KLHL1: variants seen among roughly 807,000 people sequenced by gnomAD.
KLHL1 encodes kelch-like protein 1.
In KLHL1, 47 loss-of-function variants were observed where a neutral mutation model predicts 77.7. The ratio of observed to expected loss-of-function variants is 0.60; its 90% CI spans 0.48 to 0.77. KLHL1 has a LOEUF of 0.77. KLHL1 is among the 30% of genes least tolerant of loss of function. The probability of loss-of-function intolerance (pLI) is 0.00; values close to 1 mark genes in which losing one functional copy is unlikely to be tolerated. For missense variants in KLHL1, 925 were observed against 910.8 expected (o/e 1.02, Z -0.20); for synonymous variants, 360 against 325.2 (o/e 1.11, Z -1.15).
chr13:70,091,133 C>T (rs1265270239), intron 1 of KLHL1, among the ~76,000 whole-genome samples: 1 of 151,956 alleles, frequency 6.6e-6, no homozygotes, highest in Admixed American at 6.6e-5. Flanking sequence ...TTCTATCATC[C>T]TTCTCCCTTA....
At position 69,855,337 on chromosome 13, in the gene KLHL1, TAGATAGATAG is replaced by T. The variant is rs1566329530; in HGVS notation, c.1228-16185_1228-16176del. Among the ~76,000 whole-genome samples the T allele has an allele frequency of 2.9e-3, 208 of 72,372 alleles. 2 individuals carry two copies. Among genetic ancestry groups the T allele is most frequent in the Non-Finnish European group, 4.1e-3 (135 of 32,808 alleles). 47.5% of individuals were successfully genotyped at this position (72,372 alleles called of 152,430 possible). A position where few individuals can be genotyped will look rare whatever the true frequency, so the allele number is the denominator to read the frequency against. On this transcript the variant is annotated intron_variant, in intron 5 of 10. Transcript: ENST00000377844. The stretch of plus-strand genomic sequence containing the variant: ...ATAGATAGATAGATAGATAGATAGA[TAGATAGATAG>T]ACAGACAGATAGATACATAGAGAGA...
At chr13:69,914,116 C>G in intron 4 of KLHL1, among the ~76,000 whole-genome samples, 1 of 152,148 alleles carries the variant, frequency 6.6e-6, no homozygotes. Context: ...CTCGGACTGG[C>G]TCTCTGCTCC....
chr13:70,009,007 T>C (rs1885469720), intron 1 of KLHL1, among the ~76,000 whole-genome samples: 1 of 152,158 alleles, frequency 6.6e-6, no homozygotes, highest in Non-Finnish European at 1.5e-5. Context: ...GATGCTTCAA[T>C]AAAAGTAAAG....
intron 1 of KLHL1, among the ~76,000 whole-genome samples, chr13:70,073,398 G>C (rs574387981): frequency 6.6e-6 from 1 of 152,200 alleles, no homozygotes; most frequent in African/African-American, 2.4e-5. Context: ...TCACACACTA[G>C]GGCCTGTTGT....
chr13:70,042,553 G>T (rs955884706), intron 1 of KLHL1, among the ~76,000 whole-genome samples: 1 of 151,916 alleles, frequency 6.6e-6, no homozygotes, highest in Non-Finnish European at 1.5e-5. Context: ...ACATGTTTTT[G>T]GTGATGCTGG....
chr13:70,038,415 G>A (rs1376976548), intron 1 of KLHL1, among the ~76,000 whole-genome samples: 1 of 152,018 alleles, frequency 6.6e-6, no homozygotes, highest in African/African-American at 2.4e-5. Context: ...ACTGATAAAT[G>A]TCCTGGAGGG....
intron 4 of KLHL1, among the ~76,000 whole-genome samples, chr13:69,908,859 T>C (rs959022504): frequency 1.3e-5 from 2 of 151,050 alleles, no homozygotes; most frequent in African/African-American, 2.4e-5. Context: ...TTCAACATTT[T>C]ACAGTGTTAA....
intron 1 of KLHL1, among the ~76,000 whole-genome samples, chr13:69,976,897 G>C (rs4353389): frequency 6.6e-6 from 1 of 151,974 alleles, no homozygotes; most frequent in South Asian, 2.1e-4. Flanking sequence ...TATTCACTGC[G>C]TATTCTTTCC....
chr13:69,745,236 T>G (rs1226082772), intron 7 of KLHL1, among the ~76,000 whole-genome samples: 1 of 152,002 alleles, frequency 6.6e-6, no homozygotes, highest in Non-Finnish European at 1.5e-5. Context: ...CATGTGTTTT[T>G]TGGCCACTTG....
intron 1 of KLHL1, among the ~76,000 whole-genome samples, chr13:70,067,786 T>A (rs1377301995): frequency 1.3e-5 from 2 of 152,154 alleles, no homozygotes; most frequent in African/African-American, 4.8e-5. Context: ...AGAGCCACCA[T>A]CTTTTCCTGT....
intron 4 of KLHL1, among the ~76,000 whole-genome samples, chr13:69,922,233 C>T (rs142342859): frequency 5.3e-5 from 8 of 152,032 alleles, no homozygotes; most frequent in Admixed American, 6.5e-5. Flanking sequence ...TTGTGTGAAC[C>T]GTCACACTGG....
chr13:69,923,772 A>G (rs1473863302), intron 4 of KLHL1, among the ~76,000 whole-genome samples: 2 of 152,104 alleles, frequency 1.3e-5, no homozygotes, highest in South Asian at 2.1e-4. Flanking sequence ...CCAGGGCTAC[A>G]TTTGCCATGG....
At chr13:70,021,323 C>T (rs1885787425) in intron 1 of KLHL1, among the ~76,000 whole-genome samples, 1 of 152,176 alleles carries the variant, frequency 6.6e-6, no homozygotes, top group African/African-American at 2.4e-5. Context: ...TCTTGCATGG[C>T]TTTTCATGGC....
At chr13:70,084,222 A>G (rs1034800045) in intron 1 of KLHL1, among the ~76,000 whole-genome samples, 2 of 152,094 alleles carry the variant, frequency 1.3e-5, no homozygotes, top group African/African-American at 4.8e-5. Flanking sequence ...ATCTGTTGAG[A>G]ATTTAAGGAA....
At chr13:69,869,131 GA>G (rs944414585) in intron 5 of KLHL1, among the ~76,000 whole-genome samples, 15 of 151,316 alleles carry the variant, frequency 9.9e-5, no homozygotes, top group South Asian at 2.1e-4. Context: ...TAATATAAAA[GA>G]AAAAAAGGGG....
At chr13:69,990,895 G>A (rs940374614) in intron 1 of KLHL1, among the ~76,000 whole-genome samples, 1 of 151,770 alleles carries the variant, frequency 6.6e-6, no homozygotes, top group African/African-American at 2.4e-5. Flanking sequence ...AGTCAACCAT[G>A]CAATTGGACA....
chr13:69,755,830 T>C (rs1874701387), intron 7 of KLHL1, among the ~76,000 whole-genome samples: 1 of 152,188 alleles, frequency 6.6e-6, no homozygotes, highest in Admixed American at 6.5e-5. Flanking sequence ...GTAAATAAAA[T>C]GAAACATGTG....
intron 6 of KLHL1, among the ~76,000 whole-genome samples, chr13:69,834,452 A>C (rs1267943653): frequency 6.6e-6 from 1 of 152,014 alleles, no homozygotes; most frequent in Non-Finnish European, 1.5e-5. Flanking sequence ...TCTTCTAATT[A>C]CACTTGGCTT....
intron 1 of KLHL1, among the ~76,000 whole-genome samples, chr13:70,009,216 T>C (rs1885474512): frequency 6.6e-6 from 1 of 152,116 alleles, no homozygotes; most frequent in Non-Finnish European, 1.5e-5. Flanking sequence ...AGTGTCGTAG[T>C]GCTTTGAACG....
Sources: gnomAD v4.1 joint callset for allele counts (sites outside exome capture counted in the v4.1 genomes callset) on GRCh38, gnomAD v4.1.1 for gene constraint, MANE v1.5 for transcripts, NCBI Gene and HGNC (gene_info 2026-07-23, HGNC 2026-07-21) for gene names.